Variants in CNTNAP2 observed in about 807,000 individuals in gnomAD.
CNTNAP2 encodes the protein contactin-associated protein-like 2.
In CNTNAP2, 98 loss-of-function variants were observed where a neutral mutation model predicts 155.2. The ratio of observed to expected loss-of-function variants is 0.63; its 90% confidence interval spans 0.54 to 0.75. CNTNAP2 has a LOEUF of 0.75. Among genes scored for constraint, CNTNAP2 ranks in the 30% least tolerant of loss-of-function variants. The pLI is 0.00. For synonymous variants in CNTNAP2, 651 were observed against 631.2 expected (o/e 1.03, Z -0.47); for missense variants, 1,727 against 1,688.1 (o/e 1.02, Z -0.40).
At chr7:148,299,092 G>A (rs550224299) in intron 21 of CNTNAP2, among the ~76,000 whole-genome samples, 2 of 151,650 alleles carry the variant, frequency 1.3e-5, no homozygotes, top group South Asian at 2.1e-4. Context: ...CCAGGTTCAC[G>A]CCTTTCTCCC....
intron 5 of CNTNAP2, among the ~76,000 whole-genome samples, chr7:147,120,357 T>C (rs893427428): frequency 6.6e-6 from 1 of 152,096 alleles, no homozygotes; most frequent in Non-Finnish European, 1.5e-5. Flanking sequence ...TATGAGAAAA[T>C]GGAGACCAAG....
At chr7:146,870,680 A>G (rs926187026) in intron 3 of CNTNAP2, among the ~76,000 whole-genome samples, 2 of 152,200 alleles carry the variant, frequency 1.3e-5, no homozygotes, top group African/African-American at 2.4e-5. Context: ...TAAATGTTCT[A>G]CAATCATAAC....
In CNTNAP2 at chr7:148,289,828, G is replaced by A. The variant is rs1797158758; in HGVS notation, c.3475+22702G>A. On this transcript the variant is annotated intron_variant, in intron 21 of 23. Coordinates refer to ENST00000361727, the MANE Select transcript of CNTNAP2 (RefSeq NM_014141.6). ...TTGGGGGAGGCAGCAACAGAGACCA[G>A]ACGTTCCCTCTGCACACACATGATG... Among the ~76,000 whole-genome samples the A allele has an allele frequency of 1.3e-5, 2 of 152,186 alleles. 1 individual carries two copies. The highest frequency in any genetic ancestry group is 2.9e-5 in the Non-Finnish European group (2 of 68,036).
intron 1 of CNTNAP2, among the ~76,000 whole-genome samples, chr7:146,289,096 G>T (rs1296315753): frequency 6.6e-6 from 1 of 152,014 alleles, no homozygotes; most frequent in South Asian, 2.1e-4. Flanking sequence ...GAGCCACCGC[G>T]CCCTGGCAGA....
chr7:146,401,309 G>A (rs1164123380), intron 1 of CNTNAP2, among the ~76,000 whole-genome samples: 1 of 152,010 alleles, frequency 6.6e-6, no homozygotes, highest in Admixed American at 6.6e-5. Context: ...TTTTTCAGTC[G>A]ATATGGCCAG....
chr7:147,044,199 TAC>T (rs1799313256), intron 4 of CNTNAP2, 145 bp downstream of exon 4: 1 of 791,130 alleles, frequency 1.3e-6, no homozygotes, highest in African/African-American at 1.8e-5. Context: ...TATGCATAGA[TAC>T]ATATATATAT....
At chr7:146,593,479 A>T (rs1798813700) in intron 1 of CNTNAP2, among the ~76,000 whole-genome samples, 1 of 152,070 alleles carries the variant, frequency 6.6e-6, no homozygotes, top group Non-Finnish European at 1.5e-5. Flanking sequence ...TTAAATTCAG[A>T]ACTCTATTTT....
At chr7:146,191,028 G>A (rs1392138135) in intron 1 of CNTNAP2, among the ~76,000 whole-genome samples, 2 of 152,094 alleles carry the variant, frequency 1.3e-5, no homozygotes, top group Non-Finnish European at 2.9e-5. Context: ...TCATAATGTA[G>A]GTATTATGTG....
At chr7:147,806,180 A>C (rs542558106) in intron 13 of CNTNAP2, among the ~76,000 whole-genome samples, 11 of 152,340 alleles carry the variant, frequency 7.2e-5, no homozygotes, top group African/African-American at 2.4e-4. Flanking sequence ...ATTTAAAAGT[A>C]GGGAAAATAG....
chr7:147,779,769 G>A lies in CNTNAP2; in HGVS notation c.2099-123796G>A, dbSNP rs532312880. On this transcript the variant is annotated intron_variant, in intron 13 of 23. Transcript: ENST00000361727. Reference sequence around the variant, plus strand: ...TGTCTGCGAAACTGCCTTAAAACTTGCTATCTCCTGCAAGTCATCTGGAGT... The same window carrying A: ...TGTCTGCGAAACTGCCTTAAAACTTACTATCTCCTGCAAGTCATCTGGAGT... 2.1e-3 allele frequency among the ~76,000 whole-genome samples: 326 copies of A among 152,184 alleles called. 1 individual carries two copies. The highest frequency in any genetic ancestry group is 0.01 in the Middle Eastern group (3 of 294).
At chr7:146,270,564 G>T (rs906626535) in intron 1 of CNTNAP2, among the ~76,000 whole-genome samples, 20 of 152,034 alleles carry the variant, frequency 1.3e-4, no homozygotes, top group Non-Finnish European at 2.4e-4. Context: ...CAGAAGAAAA[G>T]AAGATAACTT....
intron 1 of CNTNAP2, among the ~76,000 whole-genome samples, chr7:146,590,318 A>G (rs1435076960): frequency 6.6e-6 from 1 of 152,178 alleles, no homozygotes; most frequent in Non-Finnish European, 1.5e-5. Flanking sequence ...TATGATACAT[A>G]TTATTATTCA....
chr7:147,144,204 A>G (rs1262886444), intron 8 of CNTNAP2, among the ~76,000 whole-genome samples: 1 of 152,190 alleles, frequency 6.6e-6, no homozygotes, highest in Non-Finnish European at 1.5e-5. Flanking sequence ...GAAGTATTTT[A>G]TTTGAAAACT....
chr7:146,129,448 G>A (rs1323946004), intron 1 of CNTNAP2, among the ~76,000 whole-genome samples: 1 of 152,112 alleles, frequency 6.6e-6, no homozygotes, highest in East Asian at 1.9e-4. Context: ...TCAAGTGGTG[G>A]CGCTAAAGAC....
intron 1 of CNTNAP2, among the ~76,000 whole-genome samples, chr7:146,402,077 G>A (rs28379982): frequency 0.064 from 9,711 of 152,218 alleles, 875 homozygotes; most frequent in African/African-American, 0.2. Flanking sequence ...TTCCTCAGAA[G>A]TTGAAGGTCT....
At chr7:147,976,114 C>G (rs780816762) in intron 14 of CNTNAP2, among the ~76,000 whole-genome samples, 2 of 151,880 alleles carry the variant, frequency 1.3e-5, no homozygotes, top group South Asian at 2.1e-4. Flanking sequence ...TTTTTAAAAC[C>G]ATTTAAATTG....
At chr7:147,572,284 G>C (rs1244692491) in intron 12 of CNTNAP2, among the ~76,000 whole-genome samples, 1 of 151,606 alleles carries the variant, frequency 6.6e-6, no homozygotes, top group Admixed American at 6.6e-5. Flanking sequence ...GTTCTCAAAT[G>C]GTTTTCAAAC....
At chr7:146,908,903 T>C (rs1230485000) in intron 3 of CNTNAP2, among the ~76,000 whole-genome samples, 5 of 148,220 alleles carry the variant, frequency 3.4e-5, no homozygotes, top group African/African-American at 1.2e-4. Context: ...GATAGACCAC[T>C]AGCAAGACTA....
At chr7:146,710,596 A>G (rs991250407) in intron 1 of CNTNAP2, among the ~76,000 whole-genome samples, 4 of 152,140 alleles carry the variant, frequency 2.6e-5, no homozygotes, top group African/African-American at 9.7e-5. Flanking sequence ...TGACAAAGTT[A>G]CTACTATAGG....
Sources: allele counts gnomAD v4.1 joint callset (sites outside exome capture counted in the v4.1 genomes callset), GRCh38; gene constraint gnomAD v4.1.1; transcripts MANE v1.5; gene names NCBI Gene and HGNC (gene_info 2026-07-23, HGNC 2026-07-21).